The following PRKG1 variants were observed in gnomAD, a reference collection of about 807,000 sequenced individuals.
The protein encoded by PRKG1 is protein kinase cGMP-dependent 1.
In PRKG1, 35 loss-of-function variants were observed where a neutral mutation model predicts 88.1. That is an observed-to-expected ratio of 0.40 (90% CI 0.30 to 0.53). The LOEUF (loss-of-function observed/expected upper bound fraction) is 0.53, where lower values mean the gene tolerates loss of function less well. Ranked by LOEUF, PRKG1 falls within the 20% of genes least tolerant of loss-of-function variation. PRKG1 has a pLI of 0.59. For missense variants in PRKG1, 540 were observed against 839.8 expected, an observed-to-expected ratio of 0.64 and a Z score of 4.41; for synonymous variants, 303 against 292.5, an observed-to-expected ratio of 1.04 and a Z score of -0.37.
At chr10:52,215,458 G>A (rs1207068978) in intron 9 of PRKG1, among the ~76,000 whole-genome samples, 1 of 151,606 alleles carries the variant, frequency 6.6e-6, no homozygotes, top group Non-Finnish European at 1.5e-5. Context: ...GCTATAAAGC[G>A]AGATATACAG....
intron 2 of PRKG1, among the ~76,000 whole-genome samples, chr10:51,227,053 G>C (rs1271289628): frequency 2.0e-5 from 3 of 151,802 alleles, no homozygotes; most frequent in Non-Finnish European, 2.9e-5. Context: ...CCATTATTTA[G>C]AGGAAATCTC....
intron 2 of PRKG1, among the ~76,000 whole-genome samples, chr10:51,235,618 T>A (rs767591067): frequency 2.0e-4 from 30 of 152,334 alleles, no homozygotes; most frequent in Admixed American, 4.6e-4. Flanking sequence ...TAATTTATGA[T>A]GAATTTTAAA....
rs1843959498 is a variant in PRKG1 at position 51,076,601 on chromosome 10, G to A, written c.311+1700G>A. ...TTTAATAGGTTTCATAGTGAAGCAT[G>A]TTGAAGCCAGCTGATAACTCCAGTT... is the stretch of plus-strand genomic sequence containing the variant. On this transcript the variant is annotated intron_variant, in intron 1 of 17. Coordinates refer to ENST00000373980, the MANE Select transcript of PRKG1 (RefSeq NM_006258.4). Among the ~76,000 whole-genome samples the A allele has an allele frequency of 3.9e-5, 6 of 152,312 alleles. No individual in the cohort carries two copies. The South Asian group carries it at 1.2e-3, about 32-fold the overall frequency.
chr10:51,829,498 A>G (rs540264101), intron 4 of PRKG1, among the ~76,000 whole-genome samples: 1 of 152,314 alleles, frequency 6.6e-6, no homozygotes, highest in South Asian at 2.1e-4. Context: ...TAACAGCAAT[A>G]AGGAAAATTT....
intron 8 of PRKG1, among the ~76,000 whole-genome samples, chr10:52,159,714 G>A (rs887026693): frequency 4.6e-5 from 7 of 151,540 alleles, no homozygotes; most frequent in Non-Finnish European, 5.9e-5. Flanking sequence ...TTGGTAATAC[G>A]CTATCCTGTT....
At chr10:52,033,953 T>G in intron 5 of PRKG1, among the ~76,000 whole-genome samples, 4 of 135,156 alleles carry the variant, frequency 3.0e-5, no homozygotes, top group Admixed American at 7.7e-5. Flanking sequence ...CAGGCAGCAG[T>G]GGGGGTCGCA....
At chr10:51,786,531 C>T (rs376859350) in intron 3 of PRKG1, among the ~76,000 whole-genome samples, 1 of 152,232 alleles carries the variant, frequency 6.6e-6, no homozygotes, top group African/African-American at 2.4e-5. Flanking sequence ...TCCCTCACCA[C>T]TAGGGCTAGG....
chr10:52,103,435 G>A (rs1006452880), intron 7 of PRKG1, among the ~76,000 whole-genome samples: 1 of 152,026 alleles, frequency 6.6e-6, no homozygotes, highest in African/African-American at 2.4e-5. Flanking sequence ...TCAATGTGAA[G>A]ATGATGAAGA....
intron 7 of PRKG1, among the ~76,000 whole-genome samples, chr10:52,118,805 A>G (rs1282118793): frequency 3.9e-5 from 6 of 152,108 alleles, no homozygotes; most frequent in Non-Finnish European, 5.9e-5. Context: ...ATTTTTGCTT[A>G]GCAAGCTAGC....
intron 3 of PRKG1, among the ~76,000 whole-genome samples, chr10:51,776,150 C>T (rs1318100014): frequency 2.0e-5 from 3 of 152,060 alleles, no homozygotes; most frequent in Non-Finnish European, 4.4e-5. Context: ...TACCCAAAGA[C>T]CCCTGATTAA....
At chr10:51,275,022 A>C (rs1451677461) in intron 2 of PRKG1, among the ~76,000 whole-genome samples, 1 of 152,208 alleles carries the variant, frequency 6.6e-6, no homozygotes, top group African/African-American at 2.4e-5. Flanking sequence ...TATTGTCATT[A>C]TTAGGCCTTA....
intron 3 of PRKG1, among the ~76,000 whole-genome samples, chr10:51,770,301 G>A (rs1432213903): frequency 1.3e-5 from 2 of 152,172 alleles, no homozygotes; most frequent in Admixed American, 6.6e-5. Flanking sequence ...GAGGGAAAGT[G>A]GTTGTAACTT....
chr10:52,106,729 T>TAAG lies in PRKG1; in HGVS notation c.936-27109_936-27108insGAA, dbSNP rs1261708349. 3.4e-5 allele frequency among the ~76,000 whole-genome samples: 5 copies of TAAG among 147,932 alleles called. No individual in the cohort carries two copies. The Admixed American group carries it at 3.4e-4, about 10-fold the overall frequency. The stretch of plus-strand genomic sequence containing the variant: ...AAAATAATAATAATAATAATAATAA[T>TAAG]AATAATAATAATAATAATAAAGTAA... On this transcript the variant is annotated intron_variant, in intron 7 of 17. Coordinates refer to ENST00000373980, the MANE Select transcript of PRKG1 (RefSeq NM_006258.4).
At chr10:51,798,567 C>A (rs1839079906) in intron 3 of PRKG1, among the ~76,000 whole-genome samples, 1 of 152,032 alleles carries the variant, frequency 6.6e-6, no homozygotes, top group Non-Finnish European at 1.5e-5. Context: ...CCAAAGCTAT[C>A]TGAGTGTTCA....
intron 9 of PRKG1, among the ~76,000 whole-genome samples, chr10:52,225,335 G>T (rs142856737): frequency 1.3e-5 from 2 of 152,044 alleles, no homozygotes; most frequent in East Asian, 3.9e-4. Context: ...AGGCTTGTTC[G>T]TTTTATTTCT....
At chr10:52,179,970 A>G (rs1408759925) in intron 9 of PRKG1, among the ~76,000 whole-genome samples, 4 of 152,222 alleles carry the variant, frequency 2.6e-5, no homozygotes, top group Non-Finnish European at 5.9e-5. Flanking sequence ...TACAGGCGTG[A>G]GCCACCGTGC....
At chr10:51,849,901 T>C (rs1840501663) in intron 4 of PRKG1, among the ~76,000 whole-genome samples, 1 of 152,066 alleles carries the variant, frequency 6.6e-6, no homozygotes, top group Non-Finnish European at 1.5e-5. Flanking sequence ...GGACACAAAC[T>C]AGAAAGTCCA....
At chr10:51,527,607 G>A (rs187927821) in intron 3 of PRKG1, among the ~76,000 whole-genome samples, 34 of 152,210 alleles carry the variant, frequency 2.2e-4, no homozygotes, top group Non-Finnish European at 3.1e-4. Flanking sequence ...TTATCTTATC[G>A]TTCAGCAAAA....
At chr10:51,398,857 G>C (rs1428698955) in intron 2 of PRKG1, among the ~76,000 whole-genome samples, 1 of 152,174 alleles carries the variant, frequency 6.6e-6, no homozygotes, top group Non-Finnish European at 1.5e-5. Context: ...TGAAGACCTG[G>C]AGCTGGAACA....
Sources: allele counts gnomAD v4.1 joint callset (sites outside exome capture counted in the v4.1 genomes callset), GRCh38; gene constraint gnomAD v4.1.1; transcripts MANE v1.5; gene names NCBI Gene and HGNC (gene_info 2026-07-23, HGNC 2026-07-21).